Variants in UNC5B observed in about 807,000 individuals in gnomAD.
UNC5B encodes the protein unc-5 netrin receptor B, also known as netrin receptor UNC5B.
In UNC5B, 56 loss-of-function variants were observed where a neutral mutation model predicts 103.7. That is an observed-to-expected ratio of 0.54 (90% CI 0.44 to 0.67). The LOEUF (loss-of-function observed/expected upper bound fraction) is 0.67. UNC5B is among the 30% of genes least tolerant of loss of function. The pLI, the probability that UNC5B is intolerant of heterozygous loss-of-function variation, is 0.00. For missense variants in UNC5B, 1,194 were observed against 1,284.5 expected, an observed-to-expected ratio of 0.93 and a Z score of 1.08; for synonymous variants, 577 against 542.0, an observed-to-expected ratio of 1.06 and a Z score of -0.90.
chr10:71,236,962 C>T (rs927147976), intron 1 of UNC5B, among the ~76,000 whole-genome samples: 1 of 152,216 alleles, frequency 6.6e-6, no homozygotes. Flanking sequence ...TTCTCCAGCT[C>T]AGAGGAGTGA....
chr10:71,296,955 C>CG (rs1423780012), intron 15 of UNC5B, among the ~76,000 whole-genome samples: 2 of 108,762 alleles, frequency 1.8e-5, no homozygotes, highest in Non-Finnish European at 1.9e-5. Flanking sequence ...GAGGGAAGGG[C>CG]GGCCAGATAT....
At chr10:71,247,498 C>G (rs1377254508) in intron 1 of UNC5B, among the ~76,000 whole-genome samples, 1 of 152,246 alleles carries the variant, frequency 6.6e-6, no homozygotes, top group African/African-American at 2.4e-5. Flanking sequence ...CCACTGAGGC[C>G]TCGCTGTTGG....
chr10:71,284,895 C>A (rs1845030645), intron 3 of UNC5B, 32 bp downstream of exon 3: 4 of 1,556,890 alleles, frequency 2.6e-6, no homozygotes, highest in South Asian at 1.2e-5. Flanking sequence ...CCTGTCCCTG[C>A]AGGAACCTTC....
In UNC5B at chr10:71,302,392, A is replaced by T. The variant is rs12262480; in HGVS notation, c.*3115A>T. ...GTGTGTGTGTGCTCCTCTGCGTCCC[A>T]GGTTTGGACGTCTAGGGTTTGGTGT... is the stretch of plus-strand genomic sequence containing the variant. On this transcript the variant is annotated 3_prime_UTR_variant, in exon 17 of 17. Coordinates refer to ENST00000335350, the MANE Select transcript of UNC5B (RefSeq NM_170744.5). 6.6e-6 allele frequency: 1 copy of T among 151,880 alleles called. No homozygotes were observed. Among genetic ancestry groups the T allele is most frequent in the Non-Finnish European group, 1.5e-5 (1 of 68,008 alleles). 9.4% of individuals were successfully genotyped at this position (151,880 alleles called of 1,614,324 possible). A position where few individuals can be genotyped will look rare whatever the true frequency, so the allele number is the denominator to read the frequency against.
At chr10:71,238,983 C>T (rs998845428) in intron 1 of UNC5B, among the ~76,000 whole-genome samples, 3 of 152,108 alleles carry the variant, frequency 2.0e-5, no homozygotes, top group Non-Finnish European at 4.4e-5. Context: ...AAGGCTTCTG[C>T]CTGCTCAGAC....
At chr10:71,262,756 G>A (rs1484704482) in intron 1 of UNC5B, among the ~76,000 whole-genome samples, 1 of 151,998 alleles carries the variant, frequency 6.6e-6, no homozygotes, top group Non-Finnish European at 1.5e-5. Flanking sequence ...TCACTCCCCT[G>A]AACCCCCTGG....
At chr10:71,297,784 G>A (rs1040149000) in intron 15 of UNC5B, 125 bp from the exon 16 acceptor site, 1 of 1,078,662 alleles carries the variant, frequency 9.3e-7, no homozygotes, top group African/African-American at 1.6e-5. Context: ...CCTGAACAGT[G>A]GGAGTCTGTC....
chr10:71,227,569 C>T (rs1259077488), intron 1 of UNC5B, among the ~76,000 whole-genome samples: 1 of 148,012 alleles, frequency 6.8e-6, no homozygotes, highest in Non-Finnish European at 1.5e-5. Context: ...ACTATTGAAA[C>T]AAAATAAAAA....
intron 1 of UNC5B, among the ~76,000 whole-genome samples, chr10:71,275,430 C>A (rs1844746316): frequency 6.6e-6 from 1 of 152,212 alleles, no homozygotes; most frequent in Non-Finnish European, 1.5e-5. Context: ...ATGGCTCAAG[C>A]CTTGCTTCCT....
intron 1 of UNC5B, among the ~76,000 whole-genome samples, chr10:71,231,533 G>A (rs1843682950): frequency 6.6e-6 from 1 of 152,200 alleles, no homozygotes; most frequent in Non-Finnish European, 1.5e-5. Flanking sequence ...GCGCAGGGCT[G>A]TGTACGCTCA....
chr10:71,258,778 G>A (rs1844349387), intron 1 of UNC5B, among the ~76,000 whole-genome samples: 1 of 152,230 alleles, frequency 6.6e-6, no homozygotes. Context: ...TCCCCACCCT[G>A]CCCCAACATT....
rs554771714 is a variant in UNC5B at position 71,278,278 on chromosome 10, C to T, written c.80-1543C>T. ...TACGTACCTACTGTGTGCCAGGCAC[C>T]GCCTAGGTGTTCATGCATGTTTGTC... On this transcript the variant is annotated intron_variant, in intron 1 of 16. Transcript: ENST00000335350. Among the ~76,000 whole-genome samples the T allele has an allele frequency of 8.5e-5, 13 of 152,322 alleles. No homozygotes were observed. The South Asian group carries it at 1.7e-3, about 19-fold the overall frequency.
chr10:71,251,980 G>A (rs7904418), intron 1 of UNC5B, among the ~76,000 whole-genome samples: 106,597 of 152,078 alleles, frequency 0.7, 39,268 homozygotes, highest in Non-Finnish European at 0.84. Flanking sequence ...ATGAAGTGCT[G>A]TGTAATGTTC....
At chr10:71,259,316 G>T (rs924934320) in intron 1 of UNC5B, among the ~76,000 whole-genome samples, 1 of 151,594 alleles carries the variant, frequency 6.6e-6, no homozygotes, top group African/African-American at 2.4e-5. Context: ...TTGAACCCGG[G>T]AGGCAGAGGT....
At chr10:71,264,521 CA>C (rs1447654463) in intron 1 of UNC5B, among the ~76,000 whole-genome samples, 1 of 152,230 alleles carries the variant, frequency 6.6e-6, no homozygotes, top group East Asian at 1.9e-4. Flanking sequence ...AGCCTGGCAC[CA>C]TGCTGCTGTG....
chr10:71,230,790 A>G (rs538421663), intron 1 of UNC5B, among the ~76,000 whole-genome samples: 6 of 152,370 alleles, frequency 3.9e-5, no homozygotes, highest in African/African-American at 1.4e-4. Context: ...GCCCACAGAA[A>G]GATTATGGGG....
At chr10:71,258,758 G>GCT (rs1383661334) in intron 1 of UNC5B, among the ~76,000 whole-genome samples, 3 of 152,206 alleles carry the variant, frequency 2.0e-5, no homozygotes, top group Non-Finnish European at 2.9e-5. Flanking sequence ...TGCCTCCAGA[G>GCT]TCACCAAGGT....
intron 1 of UNC5B, among the ~76,000 whole-genome samples, chr10:71,216,743 C>T (rs1008214720): frequency 1.3e-5 from 2 of 152,182 alleles, no homozygotes; most frequent in Non-Finnish European, 2.9e-5. Context: ...GGTCTGCCTC[C>T]TACGCCCCAT....
intron 1 of UNC5B, among the ~76,000 whole-genome samples, chr10:71,267,368 A>G (rs1844546111): frequency 6.6e-6 from 1 of 152,150 alleles, no homozygotes; most frequent in Non-Finnish European, 1.5e-5. Context: ...ATCAAGTTGG[A>G]AGTAGTTAAA....
Sources: gnomAD v4.1 joint callset for allele counts (sites outside exome capture counted in the v4.1 genomes callset) on GRCh38, gnomAD v4.1.1 for gene constraint, MANE v1.5 for transcripts, NCBI Gene and HGNC (gene_info 2026-07-23, HGNC 2026-07-21) for gene names.